Variants in MYO1F observed in about 807,000 individuals in gnomAD.
MYO1F encodes the protein unconventional myosin-If.
MYO1F carries 60 observed loss-of-function variants against 146.6 expected under a neutral mutation model. The ratio of observed to expected loss-of-function variants is 0.41; its 90% CI spans 0.33 to 0.51. MYO1F has a LOEUF of 0.51. Among genes scored for constraint, MYO1F ranks in the 20% least tolerant of loss-of-function variants. MYO1F has a pLI of 0.25. For synonymous variants in MYO1F, 602 were observed against 602.1 expected, an observed-to-expected ratio of 1.00 and a Z score of 0.00; for missense variants, 1,274 against 1,534.3, an observed-to-expected ratio of 0.83 and a Z score of 2.83.
At chr19:8,534,367 G>A (rs967518941) in intron 19 of MYO1F, among the ~76,000 whole-genome samples, 1 of 151,568 alleles carries the variant, frequency 6.6e-6, no homozygotes, top group Admixed American at 6.6e-5. Context: ...GAGTGCAGTG[G>A]CGCAATCTCA....
chr19:8,562,777 TCCTG>T (rs1055524291), intron 1 of MYO1F, among the ~76,000 whole-genome samples: 111 of 152,002 alleles, frequency 7.3e-4, no homozygotes, highest in African/African-American at 2.6e-3. Flanking sequence ...CAAGCAATCC[TCCTG>T]CCTCAGTCTC....
chr19:8,564,149 G>C (rs1247268519), intron 1 of MYO1F, among the ~76,000 whole-genome samples: 1 of 152,062 alleles, frequency 6.6e-6, no homozygotes, highest in Non-Finnish European at 1.5e-5. Context: ...GGGAGGCCAA[G>C]GTGGATGGAT....
rs1568351157 is a variant in MYO1F at position 8,544,461 on chromosome 19, G to A, written c.1360C>T (p.Pro454Ser). Residue 454 changes from proline (P) to serine (S), a missense_variant, in exon 14 of 28, where the codon CCC (proline) becomes TCC (serine). Pro to Ser is a moderately conservative substitution (Grantham distance 74, BLOSUM62 -1). Transcript: ENST00000644032. The stretch of plus-strand genomic sequence containing the variant: ...TCCAAGACGCTCATGATGCCTGGGG[G>A]GCTCTGCGGGGCGAGCGGGAGCCAG... Reference protein sequence around the residue: ...VCDLIENKLSPPGIMSVLDDV... With the variant: ...VCDLIENKLSSPGIMSVLDDV... 6.2e-7 allele frequency: 1 copy of A among 1,608,348 alleles called. No homozygotes were observed. Among genetic ancestry groups the A allele is most frequent in the Non-Finnish European group, 8.5e-7 (1 of 1,179,580 alleles).
intron 2 of MYO1F, 146 bp downstream of exon 2, chr19:8,555,513 C>T (rs1055269156): frequency 2.7e-6 from 3 of 1,121,168 alleles, no homozygotes; most frequent in Non-Finnish European, 1.3e-6. Context: ...AACCAGAGCC[C>T]TGCTGTCACT....
intron 1 of MYO1F, among the ~76,000 whole-genome samples, chr19:8,562,156 A>ATTTTTTTTTTTTT (rs1490847496): frequency 1.4e-5 from 2 of 142,818 alleles, no homozygotes; most frequent in African/African-American, 5.4e-5. Context: ...TGCCCGGCTA[A>ATTTTTTTTTTTTT]TTTTTTCTTT....
intron 1 of MYO1F, among the ~76,000 whole-genome samples, chr19:8,575,162 C>T (rs551544369): frequency 5.3e-5 from 8 of 150,682 alleles, no homozygotes; most frequent in South Asian, 4.2e-4. Flanking sequence ...CTGCAACCTC[C>T]GCCTCCCGGG....
intron 21 of MYO1F, chr19:8,529,873 G>T: frequency 1.9e-6 from 1 of 513,528 alleles, no homozygotes; most frequent in Non-Finnish European, 3.6e-6. Context: ...TCTAGGCTGG[G>T]GGATAGATAC....
intron 1 of MYO1F, among the ~76,000 whole-genome samples, chr19:8,561,522 TTCTC>T (rs1429214824): frequency 2.1e-5 from 3 of 141,656 alleles, no homozygotes; most frequent in East Asian, 2.1e-4. Context: ...TCTTCTCTCT[TTCTC>T]TCTTCTTTCT....
chr19:8,568,315 C>G (rs1167868802), intron 1 of MYO1F, among the ~76,000 whole-genome samples: 1 of 146,132 alleles, frequency 6.8e-6, no homozygotes, highest in Non-Finnish European at 1.5e-5. Flanking sequence ...CCCAGCTCCT[C>G]GGGAGGCTGA....
At chr19:8,542,040 G>T in intron 14 of MYO1F, 49 bp from the exon 15 acceptor site, 4 of 1,509,302 alleles carry the variant, frequency 2.7e-6, no homozygotes, top group South Asian at 1.1e-5. Context: ...AACCTGGCTG[G>T]GAGGGTGGGC....
intron 25 of MYO1F, among the ~76,000 whole-genome samples, chr19:8,523,756 G>T (rs1056336314): frequency 6.6e-6 from 1 of 152,198 alleles, no homozygotes; most frequent in South Asian, 2.1e-4. Flanking sequence ...TTAGGCTCAT[G>T]ATATTCTCCC....
chr19:8,571,803 T>C (rs1416870890), intron 1 of MYO1F, among the ~76,000 whole-genome samples: 2 of 151,944 alleles, frequency 1.3e-5, no homozygotes, highest in African/African-American at 4.8e-5. Flanking sequence ...TTCACCATGT[T>C]AGCCAGGATG....
rs1370698802 is a variant in MYO1F at position 8,527,346 on chromosome 19, G to C, written c.2466C>G (p.Val822=). The C allele has an allele frequency of 6.2e-7, 1 of 1,614,090 alleles. No individual in the cohort carries two copies. Among genetic ancestry groups the C allele is most frequent in the Non-Finnish European group, 8.5e-7 (1 of 1,180,006 alleles). ...TAAGGACCTGGCTTCACCTGAGGGAGACTCCCCGCAGAGCCTGGATGTCCA... is the reference window on the plus strand; with the variant it reads ...TAAGGACCTGGCTTCACCTGAGGGACACTCCCCGCAGAGCCTGGATGTCCA... ...KKVDIQALRG[V]SLSTRQDDFF... The change falls in exon 22 of 28, where the codon GTC becomes GTG. Residue 822 remains valine, a synonymous_variant. Coordinates refer to ENST00000644032, the MANE Select transcript of MYO1F (RefSeq NM_012335.4).
chr19:8,568,019 C>T (rs1394455879), intron 1 of MYO1F, among the ~76,000 whole-genome samples: 2 of 152,210 alleles, frequency 1.3e-5, no homozygotes, highest in Admixed American at 6.5e-5. Flanking sequence ...CCTGCCCTTC[C>T]CCTCTTTCCT....
At chr19:8,542,582 C>T (rs565262339) in intron 14 of MYO1F, among the ~76,000 whole-genome samples, 33 of 150,564 alleles carry the variant, frequency 2.2e-4, no homozygotes, top group Middle Eastern at 6.9e-3. Context: ...GAGCTCCAGC[C>T]GTTTTTGTTT....
intron 4 of MYO1F, 75 bp from the exon 5 acceptor site, chr19:8,553,512 G>T: frequency 8.4e-7 from 1 of 1,196,470 alleles, no homozygotes; most frequent in Non-Finnish European, 1.2e-6. Flanking sequence ...TTCATTCATT[G>T]AGCACCTACT....
intron 1 of MYO1F, among the ~76,000 whole-genome samples, chr19:8,557,761 TG>T (rs1374926930): frequency 6.6e-6 from 1 of 152,136 alleles, no homozygotes; most frequent in Non-Finnish European, 1.5e-5. Flanking sequence ...TGGTGGGAAG[TG>T]GGCGCATCCC....
intron 13 of MYO1F, 165 bp downstream of exon 13, chr19:8,545,485 A>G: frequency 1.4e-6 from 1 of 708,476 alleles, no homozygotes; most frequent in Non-Finnish European, 2.6e-6. Flanking sequence ...TGAATGGATG[A>G]GGGGCGGAAG....
intron 21 of MYO1F, chr19:8,529,899 C>A: frequency 3.9e-6 from 2 of 514,566 alleles, no homozygotes; most frequent in Non-Finnish European, 3.5e-6. Context: ...GGCAGGTGTG[C>A]CTGGGCTAGG....
Sources: gnomAD v4.1 joint callset for allele counts (sites outside exome capture counted in the v4.1 genomes callset) on GRCh38, gnomAD v4.1.1 for gene constraint, MANE v1.5 for transcripts, NCBI Gene and HGNC (gene_info 2026-07-23, HGNC 2026-07-21) for gene names.